The following FBXL7 variants were observed in gnomAD, a reference collection of about 807,000 sequenced individuals.
The protein encoded by FBXL7 is F-box/LRR-repeat protein 7.
In FBXL7, 12 loss-of-function variants were observed where a neutral mutation model predicts 38.3. The ratio of observed to expected loss-of-function variants is 0.31; its 90% CI spans 0.20 to 0.51. The LOEUF (loss-of-function observed/expected upper bound fraction) is 0.51. FBXL7 is among the 20% of genes least tolerant of loss of function. The pLI, the probability that FBXL7 is intolerant of heterozygous loss-of-function variation, is 0.98. For synonymous variants in FBXL7, 297 were observed against 300.9 expected (o/e 0.99, Z 0.13); for missense variants, 567 against 676.4 (o/e 0.84, Z 1.79).
rs1742218817 is a variant in FBXL7 at position 15,937,147 on chromosome 5, G to A, written c.1437G>A (p.Lys479=). Residue 479 remains lysine, a synonymous_variant, in exon 4 of 4, where the codon AAG becomes AAA. Transcript: ENST00000504595. ...TGCGCTTTGTCAAACGCCACTGCAA[G>A]CGCTGCGTCATCGAGCACACCAACC... is the stretch of plus-strand genomic sequence containing the variant. ...EALRFVKRHC[K]RCVIEHTNPA... 5.0e-6 allele frequency: 8 copies of A among 1,606,056 alleles called. No homozygotes were observed. Among genetic ancestry groups the A allele is most frequent in the Middle Eastern group, 1.7e-4 (1 of 5,970 alleles).
chr5:15,911,325 G>T (rs1364470037), intron 2 of FBXL7, among the ~76,000 whole-genome samples: 1 of 66,646 alleles, frequency 1.5e-5, no homozygotes, highest in East Asian at 4.3e-4. Flanking sequence ...ATCGGCTCCT[G>T]AGGCTTCTGC....
At chr5:15,749,002 T>C (rs1736085032) in intron 2 of FBXL7, among the ~76,000 whole-genome samples, 1 of 152,090 alleles carries the variant, frequency 6.6e-6, no homozygotes, top group Non-Finnish European at 1.5e-5. Flanking sequence ...CCCAGCACTT[T>C]AGGAGGCTGA....
chr5:15,876,166 G>T (rs953850087), intron 2 of FBXL7, among the ~76,000 whole-genome samples: 1 of 151,928 alleles, frequency 6.6e-6, no homozygotes, highest in South Asian at 2.1e-4. Flanking sequence ...ACCCAATACC[G>T]CATGTTCTCA....
chr5:15,630,824 A>G (rs147322849), intron 2 of FBXL7, among the ~76,000 whole-genome samples: 2 of 150,912 alleles, frequency 1.3e-5, no homozygotes, highest in East Asian at 2.0e-4. Context: ...TGGATGAGAA[A>G]ACAAAAGCTG....
At chr5:15,661,797 C>A (rs1742085032) in intron 2 of FBXL7, among the ~76,000 whole-genome samples, 1 of 152,136 alleles carries the variant, frequency 6.6e-6, no homozygotes, top group Admixed American at 6.5e-5. Context: ...ATTTCTGTTC[C>A]TTCATTAGTT....
intron 1 of FBXL7, among the ~76,000 whole-genome samples, chr5:15,532,068 C>A (rs1330082095): frequency 1.3e-5 from 2 of 152,168 alleles, no homozygotes; most frequent in African/African-American, 4.8e-5. Flanking sequence ...TAACACCATG[C>A]TTGGTACACA....
intron 2 of FBXL7, among the ~76,000 whole-genome samples, chr5:15,827,509 T>G (rs1286146689): frequency 2.0e-5 from 3 of 152,206 alleles, no homozygotes; most frequent in Non-Finnish European, 4.4e-5. Context: ...TTCAAAGTTC[T>G]TTAGTCTGGG....
chr5:15,715,608 C>T (rs1260800030), intron 2 of FBXL7, among the ~76,000 whole-genome samples: 1 of 151,748 alleles, frequency 6.6e-6, no homozygotes, highest in Non-Finnish European at 1.5e-5. Flanking sequence ...CATTACTCAA[C>T]TCTGCTGTAG....
At chr5:15,899,627 A>C (rs1741186691) in intron 2 of FBXL7, among the ~76,000 whole-genome samples, 1 of 152,208 alleles carries the variant, frequency 6.6e-6, no homozygotes, top group Non-Finnish European at 1.5e-5. Context: ...GAGAACAACC[A>C]TATCAATGCC....
chr5:15,518,552 G>A (rs1737009328), intron 1 of FBXL7, among the ~76,000 whole-genome samples: 4 of 152,112 alleles, frequency 2.6e-5, no homozygotes, highest in Admixed American at 2.6e-4. Context: ...GGCTTTCATG[G>A]GGGAAATGAA....
At chr5:15,802,299 T>A (rs1331894575) in intron 2 of FBXL7, among the ~76,000 whole-genome samples, 1 of 152,066 alleles carries the variant, frequency 6.6e-6, no homozygotes, top group African/African-American at 2.4e-5. Context: ...TCATGTCAGG[T>A]CCCTGCTTAA....
chr5:15,741,054 C>A (rs1219385380), intron 2 of FBXL7, among the ~76,000 whole-genome samples: 3 of 152,132 alleles, frequency 2.0e-5, no homozygotes, highest in African/African-American at 7.2e-5. Context: ...AGATAAATAA[C>A]TCTTAGCCTG....
chr5:15,883,624 T>G (rs533886931), intron 2 of FBXL7, among the ~76,000 whole-genome samples: 1 of 152,340 alleles, frequency 6.6e-6, no homozygotes, highest in African/African-American at 2.4e-5. Flanking sequence ...TGATCATAGG[T>G]ACATTCCCTT....
chr5:15,928,034 CG>C lies in FBXL7; in HGVS notation c.273del (p.Pro93ArgfsTer22). The C allele has an allele frequency of 1.9e-6, 1 of 530,604 alleles. No individual in the cohort carries two copies. 32.9% of individuals were successfully genotyped at this position (530,604 alleles called of 1,614,324 possible). A position where few individuals can be genotyped will look rare whatever the true frequency, so the allele number is the denominator to read the frequency against. ...GAGACGGTGGCCATGGTGCACTCCCCGCCCCCGACCCGCCTCACACACCCGC... is the reference window on the plus strand; with the variant it reads ...GAGACGGTGGCCATGGTGCACTCCCCCCCCCGACCCGCCTCACACACCCGC... ...TGETVAMVHS[P>X]PPTRLTHPLI... On this transcript the variant is annotated frameshift_variant, in exon 3 of 4. Coordinates refer to ENST00000504595, the MANE Select transcript of FBXL7 (RefSeq NM_012304.5). LOFTEE classifies it high-confidence loss of function. This position sits in a 1 kb window ranked among gnomAD's most constrained non-coding sequence, Gnocchi z 4.0.
At chr5:15,853,962 G>C (rs1739178602) in intron 2 of FBXL7, among the ~76,000 whole-genome samples, 1 of 152,194 alleles carries the variant, frequency 6.6e-6, no homozygotes, top group South Asian at 2.1e-4. Flanking sequence ...TTAATGAACA[G>C]TGACAGCGAT....
chr5:15,932,796 G>A (rs1165912556), intron 3 of FBXL7, among the ~76,000 whole-genome samples: 2 of 152,060 alleles, frequency 1.3e-5, no homozygotes, highest in African/African-American at 4.8e-5. Flanking sequence ...GGGCCCCTTT[G>A]GAAATTATGC....
At chr5:15,689,315 T>G (rs1743113389) in intron 2 of FBXL7, among the ~76,000 whole-genome samples, 1 of 151,816 alleles carries the variant, frequency 6.6e-6, no homozygotes. Flanking sequence ...TTTTCCAGTG[T>G]GATAAAAGGA....
Position 15,761,083 on chromosome 5 carries a change from T to C in FBXL7, c.127+145011T>C, listed in dbSNP as rs1156775564. Among the ~76,000 whole-genome samples the C allele has an allele frequency of 3.9e-5, 6 of 152,182 alleles. No individual in the cohort carries two copies. In the East Asian group the frequency reaches 1.2e-3, roughly 29 times the overall value. Reference sequence around the variant, plus strand: ...TTTTTCTTCTGGACAACCACCTTTTTATCCTGTTGTCTTGGGCAGGTACAA... The same window carrying C: ...TTTTTCTTCTGGACAACCACCTTTTCATCCTGTTGTCTTGGGCAGGTACAA... On this transcript the variant is annotated intron_variant, in intron 2 of 3. Transcript: ENST00000504595.
At chr5:15,647,551 T>C (rs548252890) in intron 2 of FBXL7, among the ~76,000 whole-genome samples, 1 of 152,194 alleles carries the variant, frequency 6.6e-6, no homozygotes, top group South Asian at 2.1e-4. Context: ...TAATAAGGAA[T>C]GAATGGCCGG....
Sources: allele counts gnomAD v4.1 joint callset (sites outside exome capture counted in the v4.1 genomes callset), GRCh38; gene constraint gnomAD v4.1.1; non-coding constraint Gnocchi (gnomAD v3.1); transcripts MANE v1.5; gene names NCBI Gene and HGNC (gene_info 2026-07-23, HGNC 2026-07-21).